ENPP1: variants seen among roughly 807,000 people sequenced by gnomAD.
ENPP1 encodes ectonucleotide pyrophosphatase/phosphodiesterase 1.
A neutral mutation model predicts 122.8 loss-of-function variants in ENPP1; 73 were observed. That is an observed-to-expected ratio of 0.59 (90% CI 0.49 to 0.72). ENPP1 has a LOEUF of 0.72. Among genes scored for constraint, ENPP1 ranks in the 30% least tolerant of loss-of-function variants. ENPP1 has a pLI of 0.00. For synonymous variants in ENPP1, 367 were observed against 391.6 expected (o/e 0.94, Z 0.74); for missense variants, 978 against 1,128.1 (o/e 0.87, Z 1.91).
At position 131,864,928 on chromosome 6, in the gene ENPP1, T is replaced by A. The variant is rs1035480681; in HGVS notation, c.1154T>A (p.Val385Asp). The change falls in exon 11 of 25, where the codon GTC becomes GAC. Residue 385 changes from valine (V) to aspartate (D), a missense_variant. Transcript: ENST00000647893. ...TCTTCAGGTCATTCATATGGACCAG[T>A]CAGCAGTGAAGTAAGTACATTTTTA... ...PDSSGHSYGP[V>D]SSEVIKALQR... is the part of the protein sequence containing the mutation. The A allele has an allele frequency of 6.3e-6, 10 of 1,589,450 alleles. No individual in the cohort carries two copies. Among genetic ancestry groups the A allele is most frequent in the Admixed American group, 5.0e-5 (3 of 59,982 alleles).
At chr6:131,857,659 G>T (rs993551120) in intron 6 of ENPP1, among the ~76,000 whole-genome samples, 1 of 151,966 alleles carries the variant, frequency 6.6e-6, no homozygotes, top group African/African-American at 2.4e-5. Context: ...GTGGGGTGGG[G>T]TGAGGGGGGA....
At chr6:131,827,895 G>A (rs1310423625) in intron 1 of ENPP1, 17 of 1,388,058 alleles carry the variant, frequency 1.2e-5, no homozygotes, top group Admixed American at 1.7e-5. Context: ...CTGACTGCTC[G>A]GCCACTGTTT....
intron 1 of ENPP1, among the ~76,000 whole-genome samples, chr6:131,821,980 T>G (rs1245123899): frequency 1.3e-5 from 2 of 152,224 alleles, no homozygotes. Context: ...CCATTTCGAT[T>G]ATAATCTCTG....
At chr6:131,887,882 T>C (rs1782406847) in intron 24 of ENPP1, among the ~76,000 whole-genome samples, 1 of 133,700 alleles carries the variant, frequency 7.5e-6, no homozygotes, top group African/African-American at 3.1e-5. Flanking sequence ...TTTTTTTTTT[T>C]TGGAGTCTTG....
chr6:131,868,514 A>C (rs1782118715), intron 12 of ENPP1, among the ~76,000 whole-genome samples: 1 of 152,192 alleles, frequency 6.6e-6, no homozygotes, highest in Non-Finnish European at 1.5e-5. Context: ...ATCACAGCTC[A>C]CTGCAGCCTC....
intron 1 of ENPP1, among the ~76,000 whole-genome samples, chr6:131,845,079 G>C (rs9402347): frequency 1.0e-5 from 1 of 95,322 alleles, no homozygotes; most frequent in Non-Finnish European, 1.9e-5. Flanking sequence ...TTTTCCTTGA[G>C]ACAGAGTTTC....
intron 1 of ENPP1, among the ~76,000 whole-genome samples, 171 bp downstream of exon 1, chr6:131,808,446 C>T (rs945676721): frequency 6.6e-6 from 1 of 152,220 alleles, no homozygotes; most frequent in African/African-American, 2.4e-5. Flanking sequence ...GTGCCCTACA[C>T]AGCCGCCCCT....
intron 7 of ENPP1, among the ~76,000 whole-genome samples, chr6:131,859,891 C>T (rs1417689561): frequency 6.6e-6 from 1 of 152,152 alleles, no homozygotes; most frequent in Admixed American, 6.5e-5. Flanking sequence ...CCTCAGCAAA[C>T]CTTTTGGTGG....
chr6:131,884,838 A>C, intron 22 of ENPP1, 93 bp from the exon 23 acceptor site: 1 of 1,408,364 alleles, frequency 7.1e-7, no homozygotes, highest in Non-Finnish European at 1.0e-6. Context: ...ATTTACTATA[A>C]ATGCTAATTT....
At chr6:131,856,464 C>G (rs1322177782) in intron 6 of ENPP1, among the ~76,000 whole-genome samples, 1 of 149,626 alleles carries the variant, frequency 6.7e-6, no homozygotes, top group Non-Finnish European at 1.5e-5. Flanking sequence ...ATGGTAGTTT[C>G]TTTTGCTGTG....
At position 131,893,961 on chromosome 6, in the gene ENPP1, T is replaced by C. The variant is rs886061081; in HGVS notation, c.*3450T>C. ...TTTATCTTGATTTCTTTTTTTTTTTTTTTTTTTTTTTTTTTTTTGAGATGC... is the reference window on the plus strand; with the variant it reads ...TTTATCTTGATTTCTTTTTTTTTTTCTTTTTTTTTTTTTTTTTTGAGATGC... On this transcript the variant is annotated 3_prime_UTR_variant, in exon 25 of 25. Transcript: ENST00000647893. The C allele has an allele frequency of 2.4e-5, 3 of 124,430 alleles. No individual in the cohort carries two copies. The highest frequency in any genetic ancestry group is 1.6e-4 in the Admixed American group (2 of 12,614). The allele number at this position is 124,430 out of a possible 1,614,324, so 7.7% of individuals were successfully genotyped here.
At chr6:131,830,061 TG>T (rs1453320736) in intron 1 of ENPP1, among the ~76,000 whole-genome samples, 1 of 152,122 alleles carries the variant, frequency 6.6e-6, no homozygotes, top group African/African-American at 2.4e-5. Flanking sequence ...TAGATGGAAA[TG>T]AGCATGCCTG....
intron 24 of ENPP1, among the ~76,000 whole-genome samples, chr6:131,887,723 T>A (rs918996814): frequency 7.4e-6 from 1 of 135,520 alleles, no homozygotes; most frequent in Admixed American, 7.3e-5. Flanking sequence ...CACACCCGGC[T>A]AATTTTTTTT....
rs78341739 is a variant in ENPP1, at chr6:131,861,938, G to A, written c.1025+234G>A. ...TAATCCCAGCACTTTGGGAGGCTGA[G>A]GCGAGGGGTCACCTGAGGTCAGGAG... On this transcript the variant is annotated intron_variant, in intron 9 of 24. Transcript: ENST00000647893. 0.018 allele frequency among the ~76,000 whole-genome samples: 2,713 copies of A among 152,192 alleles called. 97 individuals are homozygous for A. Among genetic ancestry groups the A allele is most frequent in the African/African-American group, 0.062 (2,590 of 41,500 alleles).
At chr6:131,811,382 C>CTATATCTATATCTATATCTATATCTA (rs1562506271) in intron 1 of ENPP1, among the ~76,000 whole-genome samples, 47 of 90,282 alleles carry the variant, frequency 5.2e-4, no homozygotes, top group African/African-American at 2.2e-3. Context: ...ATCTATATAT[C>CTATATCTATATCTATATCTATATCTA]TATATCTATA....
rs569543035 is a variant in ENPP1 at position 131,891,713 on chromosome 6, T to C, written c.*1202T>C. ...GCAAAGACTTTTGGAAAATACAATTTACAACTCAAAATTATTTAATAATTT... is the reference window on the plus strand; with the variant it reads ...GCAAAGACTTTTGGAAAATACAATTCACAACTCAAAATTATTTAATAATTT... On this transcript the variant is annotated 3_prime_UTR_variant, in exon 25 of 25. Transcript: ENST00000647893. 6.6e-6 allele frequency: 1 copy of C among 151,700 alleles called. No homozygotes were observed. Among genetic ancestry groups the C allele is most frequent in the African/African-American group, 2.4e-5 (1 of 41,308 alleles). The allele number at this position is 151,700 out of a possible 1,614,324, so 9.4% of individuals were successfully genotyped here.
intron 17 of ENPP1, 65 bp from the exon 18 acceptor site, chr6:131,876,927 G>A (rs1782236098): frequency 2.0e-6 from 3 of 1,474,120 alleles, no homozygotes; most frequent in Admixed American, 1.7e-5. Context: ...AAAGATCATG[G>A]CACAAGTCTA....
chr6:131,850,140 G>A (rs1484396230), intron 3 of ENPP1, 34 bp downstream of exon 3: 2 of 1,349,464 alleles, frequency 1.5e-6, no homozygotes, highest in Non-Finnish European at 2.1e-6. Flanking sequence ...TGGAGTTATG[G>A]TCATTAGGAA....
chr6:131,887,042 G>A lies in ENPP1; in HGVS notation c.2607+318G>A, dbSNP rs529473263. ...GCCTCCCAAAGTGCTGAGATTGCAGGTGTGAGCCACCCTGCCTGGCCCCTT... is the reference window on the plus strand; with the variant it reads ...GCCTCCCAAAGTGCTGAGATTGCAGATGTGAGCCACCCTGCCTGGCCCCTT... On this transcript the variant is annotated intron_variant, in intron 24 of 24. Transcript: ENST00000647893. Among the ~76,000 whole-genome samples, 5 of 150,834 alleles carry A rather than the reference G, an allele frequency of 3.3e-5. No homozygotes were observed. In the South Asian group the frequency reaches 1.1e-3, roughly 32 times the overall value.
Sources: gnomAD v4.1 joint callset for allele counts (sites outside exome capture counted in the v4.1 genomes callset) on GRCh38, gnomAD v4.1.1 for gene constraint, MANE v1.5 for transcripts, NCBI Gene and HGNC (gene_info 2026-07-23, HGNC 2026-07-21) for gene names.